Variants in RAB27B observed in about 807,000 individuals in gnomAD.
RAB27B encodes RAB27B, member RAS oncogene family, also known as ras-related protein Rab-27B.
Under a neutral mutation model 24.6 loss-of-function variants are expected in RAB27B, and 15 were observed. The ratio of observed to expected loss-of-function variants is 0.61; its 90% CI spans 0.41 to 0.94. RAB27B has a LOEUF of 0.94. Among genes scored for constraint, RAB27B ranks in the 40% least tolerant of loss-of-function variants. The pLI is 0.00. For synonymous variants in RAB27B, 105 were observed against 92.5 expected (o/e 1.14, Z -0.78); for missense variants, 261 against 266.8 (o/e 0.98, Z 0.15).
At chr18:54,842,752 C>G (rs1911166773) in intron 1 of RAB27B, among the ~76,000 whole-genome samples, 2 of 152,162 alleles carry the variant, frequency 1.3e-5, no homozygotes, top group Non-Finnish European at 2.9e-5. Flanking sequence ...CCTCCATCCA[C>G]TAGTTTCAGA....
upstream of RAB27B, among the ~76,000 whole-genome samples, chr18:54,825,792 G>C (rs1910451962): frequency 6.6e-6 from 1 of 152,106 alleles, no homozygotes; most frequent in African/African-American, 2.4e-5. Context: ...GTGGGGAAGG[G>C]AACTCTGGGT....
intron 2 of RAB27B, among the ~76,000 whole-genome samples, chr18:54,819,986 A>C (rs1040944972): frequency 6.6e-6 from 1 of 152,164 alleles, no homozygotes; most frequent in Non-Finnish European, 1.5e-5. Flanking sequence ...TCCACGGTGT[A>C]TATGTGCCAC....
chr18:54,882,439 C>G (rs999748875), intron 3 of RAB27B, among the ~76,000 whole-genome samples: 1 of 152,180 alleles, frequency 6.6e-6, no homozygotes, highest in African/African-American at 2.4e-5. Flanking sequence ...GATGAATAAA[C>G]AATCGCAATG....
chr18:54,884,294 G>C, intron 3 of RAB27B, 39 bp from the exon 4 acceptor site: 1 of 1,238,126 alleles, frequency 8.1e-7, no homozygotes, highest in Non-Finnish European at 1.2e-6. Context: ...AAGATATGTG[G>C]ACTAACTTTC....
intron 2 of RAB27B, among the ~76,000 whole-genome samples, chr18:54,821,520 T>C (rs923733045): frequency 2.0e-5 from 3 of 152,160 alleles, no homozygotes; most frequent in Non-Finnish European, 4.4e-5. Flanking sequence ...CCCATCAAGC[T>C]ACCAATGACT....
rs762213058 is a variant in RAB27B, at chr18:54,726,308, G to A, written c.-20+8167G>A. On this transcript the variant is annotated intron_variant, in intron 2 of 4. Coordinates refer to the RAB27B transcript ENST00000586570. ...GTGATACTGCCATTAAACTGATGACGACAACATTAAGAAAAAGTGGTTGGC... is the reference window on the plus strand; with the variant it reads ...GTGATACTGCCATTAAACTGATGACAACAACATTAAGAAAAAGTGGTTGGC... Among the ~76,000 whole-genome samples the A allele has an allele frequency of 9.2e-5, 14 of 151,484 alleles. 2 individuals carry two copies. The highest frequency in any genetic ancestry group is 4.6e-4 in the Admixed American group (7 of 15,188).
At chr18:54,740,840 C>A (rs1021797410) in intron 2 of RAB27B, among the ~76,000 whole-genome samples, 23 of 151,914 alleles carry the variant, frequency 1.5e-4, no homozygotes, top group African/African-American at 5.3e-4. Context: ...GATGATAGAT[C>A]GATAGATAGA....
chr18:54,837,492 G>C (rs567569082), intron 1 of RAB27B, among the ~76,000 whole-genome samples: 155 of 152,116 alleles, frequency 1.0e-3, no homozygotes, highest in African/African-American at 3.6e-3. Context: ...GGTACCTGTG[G>C]TTATTCAATT....
chr18:54,833,745 G>T (rs184513321), intron 1 of RAB27B, among the ~76,000 whole-genome samples: 1 of 152,300 alleles, frequency 6.6e-6, no homozygotes, highest in East Asian at 1.9e-4. Context: ...TGCTAGTCAG[G>T]TGAAGGGGTT....
chr18:54,737,859 T>G (rs1909946551), intron 2 of RAB27B, among the ~76,000 whole-genome samples: 2 of 152,220 alleles, frequency 1.3e-5, no homozygotes, highest in African/African-American at 4.8e-5. Flanking sequence ...ATTTATAATA[T>G]GTTCAACTTT....
upstream of RAB27B, among the ~76,000 whole-genome samples, chr18:54,825,377 T>C (rs986320594): frequency 2.0e-5 from 3 of 152,204 alleles, no homozygotes; most frequent in African/African-American, 7.2e-5. Flanking sequence ...TCTTCATTTC[T>C]GGTATTGTTT....
chr18:54,865,575 C>T (rs1366566781), intron 1 of RAB27B, among the ~76,000 whole-genome samples: 1 of 152,158 alleles, frequency 6.6e-6, no homozygotes, highest in Non-Finnish European at 1.5e-5. Flanking sequence ...AAATTTTCCC[C>T]TTCCTTGTCA....
At chr18:54,727,938 C>G (rs1555650942) in intron 2 of RAB27B, among the ~76,000 whole-genome samples, 1 of 152,148 alleles carries the variant, frequency 6.6e-6, no homozygotes, top group Non-Finnish European at 1.5e-5. Flanking sequence ...TAATCACACT[C>G]CACGCTACAG....
At chr18:54,788,570 T>C (rs1014870936) in intron 2 of RAB27B, among the ~76,000 whole-genome samples, 1 of 152,354 alleles carries the variant, frequency 6.6e-6, no homozygotes, top group Middle Eastern at 3.4e-3. Context: ...CCCAAAGTGC[T>C]GTGATTACAG....
At position 54,893,245 on chromosome 18, in the gene RAB27B, C is replaced by T. The variant is rs961052185; in HGVS notation, c.*3832C>T. 17 of 151,868 alleles carry T rather than the reference C, an allele frequency of 1.1e-4. No homozygotes were observed. The highest frequency in any genetic ancestry group is 7.9e-4 in the Admixed American group (12 of 15,222). 9.4% of individuals were successfully genotyped at this position (151,868 alleles called of 1,614,324 possible). A position where few individuals can be genotyped will look rare whatever the true frequency, so the allele number is the denominator to read the frequency against. On this transcript the variant is annotated 3_prime_UTR_variant, in exon 6 of 6. Transcript: ENST00000262094. ...AACGTTTGAGGGAAAAATCCTCATT[C>T]GTAAAGGATTTTGGATGTATAATCT...
At chr18:54,791,122 G>A (rs1909232656) in intron 2 of RAB27B, among the ~76,000 whole-genome samples, 1 of 152,056 alleles carries the variant, frequency 6.6e-6, no homozygotes, top group African/African-American at 2.4e-5. Context: ...TTGGATTTTA[G>A]CATCCAATAT....
Position 54,751,868 on chromosome 18 carries a change from A to G in RAB27B, c.-20+33727A>G, listed in dbSNP as rs1265254093. On this transcript the variant is annotated intron_variant, in intron 2 of 4. Transcript: ENST00000586570. ...ATTACAGAACATACTGAGCCAGGAA[A>G]CTATAGAAAATACTGAGCCAGTTCC... Among the ~76,000 whole-genome samples, 3 of 152,218 alleles carry G rather than the reference A, an allele frequency of 2.0e-5. No homozygotes were observed. In the East Asian group the frequency reaches 5.8e-4, roughly 29 times the overall value.
chr18:54,854,465 A>G (rs755085760), intron 1 of RAB27B, among the ~76,000 whole-genome samples: 8 of 152,162 alleles, frequency 5.3e-5, no homozygotes, highest in African/African-American at 1.9e-4. Context: ...GCCTCTTTTT[A>G]CCAGCTACTC....
At chr18:54,787,160 G>A (rs557046506) in intron 2 of RAB27B, among the ~76,000 whole-genome samples, 5 of 152,302 alleles carry the variant, frequency 3.3e-5, no homozygotes, top group African/African-American at 7.2e-5. Context: ...TCAGTTCTCC[G>A]AGGTTGGCTC....
Sources: allele counts gnomAD v4.1 joint callset (sites outside exome capture counted in the v4.1 genomes callset), GRCh38; gene constraint gnomAD v4.1.1; transcripts MANE v1.5; gene names NCBI Gene and HGNC (gene_info 2026-07-23, HGNC 2026-07-21).